The following PHKB variants were observed in gnomAD, a reference collection of about 807,000 sequenced individuals.
PHKB encodes phosphorylase kinase regulatory subunit beta, also known as phosphorylase b kinase regulatory subunit beta.
A neutral mutation model predicts 152.1 loss-of-function variants in PHKB; 122 were observed. That is an observed-to-expected ratio of 0.80 (90% CI 0.69 to 0.93). The LOEUF is 0.93. Ranked by LOEUF, PHKB falls within the 40% of genes least tolerant of loss-of-function variation. The pLI is 0.00. For missense variants in PHKB, 1,304 were observed against 1,328.4 expected (o/e 0.98, Z 0.29); for synonymous variants, 436 against 464.9 (o/e 0.94, Z 0.80).
intron 13 of PHKB, 110 bp downstream of exon 13, chr16:47,596,641 T>C: frequency 1.0e-6 from 1 of 968,870 alleles, no homozygotes; most frequent in Non-Finnish European, 1.6e-6. Context: ...TTCATGGTCT[T>C]GAGAGGTCTT....
At chr16:47,491,738 C>T (rs1970153742) in intron 1 of PHKB, among the ~76,000 whole-genome samples, 1 of 152,110 alleles carries the variant, frequency 6.6e-6, no homozygotes, top group Non-Finnish European at 1.5e-5. Flanking sequence ...TGCCAGATAA[C>T]ACAATGCAAA....
chr16:47,539,446 A>G (rs75259384), intron 6 of PHKB, among the ~76,000 whole-genome samples: 10,498 of 152,146 alleles, frequency 0.069, 607 homozygotes, highest in African/African-American at 0.15. Context: ...ATCTAGTATA[A>G]AAACAATGTT....
intron 4 of PHKB, 31 bp downstream of exon 4, chr16:47,503,121 C>T (rs1177022166): frequency 7.8e-7 from 1 of 1,288,798 alleles, no homozygotes; most frequent in East Asian, 2.3e-5. Context: ...CGGGAATTCT[C>T]CCATCATTCT....
chr16:47,599,080 T>G, intron 13 of PHKB: 1 of 580,432 alleles, frequency 1.7e-6, no homozygotes, highest in South Asian at 2.2e-5. Context: ...TATCTCTGGT[T>G]AGAATGTTAT....
intron 14 of PHKB, among the ~76,000 whole-genome samples, chr16:47,627,893 G>A (rs1972739130): frequency 6.6e-6 from 1 of 152,140 alleles, no homozygotes; most frequent in Admixed American, 6.5e-5. Flanking sequence ...AAAAATACTG[G>A]GGGTGCAGTG....
intron 6 of PHKB, among the ~76,000 whole-genome samples, chr16:47,532,776 A>G (rs991006590): frequency 3.9e-5 from 6 of 152,368 alleles, no homozygotes; most frequent in African/African-American, 1.4e-4. Flanking sequence ...GGGCTCCCCA[A>G]AGGGCCACAA....
chr16:47,556,082 T>A (rs985583232), intron 7 of PHKB, among the ~76,000 whole-genome samples: 1 of 152,344 alleles, frequency 6.6e-6, no homozygotes, highest in Non-Finnish European at 1.5e-5. Context: ...TGTCTGTTAT[T>A]GGTGTCTAAG....
At chr16:47,481,158 A>T (rs565048617) in intron 1 of PHKB, among the ~76,000 whole-genome samples, 1 of 152,064 alleles carries the variant, frequency 6.6e-6, no homozygotes, top group African/African-American at 2.4e-5. Context: ...AACTAGCTTT[A>T]GTTAGGCATG....
intron 8 of PHKB, among the ~76,000 whole-genome samples, chr16:47,582,437 T>C (rs531569385): frequency 6.6e-6 from 1 of 152,368 alleles, no homozygotes; most frequent in East Asian, 1.9e-4. Flanking sequence ...ATTACTTTAC[T>C]CTGCATTTGG....
Position 47,653,446 on chromosome 16 carries a change from C to T in PHKB, c.1971+2525C>T, listed in dbSNP as rs1418431579. Among the ~76,000 whole-genome samples the T allele has an allele frequency of 3.3e-5, 5 of 152,148 alleles. No homozygotes were observed. In the East Asian group the frequency reaches 7.7e-4, roughly 23 times the overall value. ...TTGGACCCAGTCTTCCTATGTGGAGCGTCTGTGAATCCCAGCAGTGTCTGG... is the reference window on the plus strand; with the variant it reads ...TTGGACCCAGTCTTCCTATGTGGAGTGTCTGTGAATCCCAGCAGTGTCTGG... On this transcript the variant is annotated intron_variant, in intron 20 of 30. Coordinates refer to ENST00000323584, the MANE Select transcript of PHKB (RefSeq NM_000293.3).
chr16:47,608,026 GT>G (rs71380330), intron 13 of PHKB, among the ~76,000 whole-genome samples: 497 of 147,966 alleles, frequency 3.4e-3, no homozygotes, highest in Non-Finnish European at 5.3e-3. Context: ...TTTTTAATGG[GT>G]TTTTTTTTTC....
In PHKB at chr16:47,689,158, G is replaced by T; in HGVS notation, c.2748G>T (p.Gln916His). 1 of 1,613,992 alleles carries T rather than the reference G, an allele frequency of 6.2e-7. No homozygotes were observed. The highest frequency in any genetic ancestry group is 8.5e-7 in the Non-Finnish European group (1 of 1,179,934). ...AACAGCTTCTGCTGGATATTCTGCA[G>T]CCTCAACAGAATGGAAGGTAATAAG... is the stretch of plus-strand genomic sequence containing the variant. ...EVKQLLLDIL[Q>H]PQQNGRCWLN... Residue 916 changes from glutamine to histidine, a missense_variant, in exon 27 of 31, where the codon CAG (glutamine) becomes CAT (histidine). Coordinates refer to ENST00000323584, the MANE Select transcript of PHKB (RefSeq NM_000293.3).
chr16:47,554,806 G>A (rs1012952643), intron 7 of PHKB, among the ~76,000 whole-genome samples: 5 of 152,108 alleles, frequency 3.3e-5, no homozygotes, highest in African/African-American at 1.2e-4. Context: ...TGGGAGAGGC[G>A]ACGCCCCACC....
intron 6 of PHKB, among the ~76,000 whole-genome samples, chr16:47,536,809 A>G (rs972303800): frequency 1.8e-4 from 27 of 151,972 alleles, no homozygotes; most frequent in Non-Finnish European, 2.8e-4. Flanking sequence ...TAGAGGTGAG[A>G]AAAAAAACAC....
chr16:47,519,522 C>T lies in PHKB; in HGVS notation c.594+3921C>T, dbSNP rs149568753. On this transcript the variant is annotated intron_variant, in intron 6 of 30. Coordinates refer to ENST00000323584, the MANE Select transcript of PHKB (RefSeq NM_000293.3). The stretch of plus-strand genomic sequence containing the variant: ...CAGTCATATGGCTGTTGGCAGGAAG[C>T]CTCAGTTTCTCCCCAGCTGTTATTA... 7.5e-3 allele frequency among the ~76,000 whole-genome samples: 1,139 copies of T among 152,250 alleles called. 19 individuals carry two copies. The highest frequency in any genetic ancestry group is 0.026 in the African/African-American group (1,080 of 41,538).
intron 5 of PHKB, among the ~76,000 whole-genome samples, chr16:47,514,204 G>A (rs1217011912): frequency 6.6e-6 from 1 of 152,230 alleles, no homozygotes; most frequent in South Asian, 2.1e-4. Flanking sequence ...GTGGAGGAGA[G>A]GAGAGAGGGA....
At chr16:47,470,292 C>T (rs1162627731) in intron 1 of PHKB, among the ~76,000 whole-genome samples, 4 of 152,210 alleles carry the variant, frequency 2.6e-5, no homozygotes, top group Non-Finnish European at 4.4e-5. Context: ...TTATGGGAAA[C>T]AAGGGATGGG....
At chr16:47,684,031 T>G (rs1973914851) in intron 26 of PHKB, among the ~76,000 whole-genome samples, 2 of 152,092 alleles carry the variant, frequency 1.3e-5, no homozygotes, top group African/African-American at 4.8e-5. Context: ...GCTTTTTTTT[T>G]TTTTCCAGAA....
chr16:47,644,120 GC>G lies in PHKB; in HGVS notation c.1608+2431del, dbSNP rs1362336987. 2.0e-5 allele frequency among the ~76,000 whole-genome samples: 3 copies of G among 152,096 alleles called. No individual in the cohort carries two copies. In the East Asian group the frequency reaches 5.8e-4, roughly 29 times the overall value. ...TAATAAAGAGTAGTATTTAAAGGAC[GC>G]CCACCTAGATCAACACATTTTACCA... On this transcript the variant is annotated intron_variant, in intron 16 of 30. Transcript: ENST00000323584.
Sources: gnomAD v4.1 joint callset for allele counts (sites outside exome capture counted in the v4.1 genomes callset) on GRCh38, gnomAD v4.1.1 for gene constraint, MANE v1.5 for transcripts, NCBI Gene and HGNC (gene_info 2026-07-23, HGNC 2026-07-21) for gene names.